The following GPHN variants were observed in gnomAD, a reference collection of about 807,000 sequenced individuals.
The protein encoded by GPHN is gephyrin.
In GPHN, 17 loss-of-function variants were observed where a neutral mutation model predicts 95.5. The ratio of observed to expected loss-of-function variants is 0.18; its 90% CI spans 0.12 to 0.27. GPHN has a LOEUF of 0.27. Ranked by LOEUF, GPHN falls within the 10% of genes least tolerant of loss-of-function variation. The pLI is 1.00. For missense variants in GPHN, 660 were observed against 978.1 expected (o/e 0.67, Z 4.34); for synonymous variants, 320 against 322.5 (o/e 0.99, Z 0.08).
At chr14:67,308,151 T>C in the GPHN span, among the ~76,000 whole-genome samples, 23,367 of 151,276 alleles carry the variant, frequency 0.15, 3,398 homozygotes, top group East Asian at 0.42. Flanking sequence ...ACCTGGGTGA[T>C]GAAATAATCT....
intron 16 of GPHN, among the ~76,000 whole-genome samples, chr14:67,115,396 A>G (rs569876876): frequency 1.8e-3 from 281 of 152,348 alleles, no homozygotes; most frequent in African/African-American, 6.3e-3. Context: ...ACCCAGTCAC[A>G]GTACAAACTT....
intron 3 of GPHN, among the ~76,000 whole-genome samples, chr14:66,782,300 G>C (rs2059632561): frequency 6.6e-6 from 1 of 152,200 alleles, no homozygotes; most frequent in South Asian, 2.1e-4. Context: ...GCACTGTATG[G>C]TTTTGATTAT....
At chr14:67,320,941 A>T in the GPHN span, 1 of 815,136 alleles carries the variant, frequency 1.2e-6, no homozygotes, top group South Asian at 1.7e-5. Flanking sequence ...GCATTTTCTC[A>T]GTTTATTATT....
At chr14:66,640,266 C>CA in intron 1 of GPHN, among the ~76,000 whole-genome samples, 1 of 151,986 alleles carries the variant, frequency 6.6e-6, no homozygotes, top group East Asian at 1.9e-4. Context: ...ACTAAAAATA[C>CA]AAAAAATTGG....
At chr14:66,585,267 A>G (rs1344329605) in intron 1 of GPHN, among the ~76,000 whole-genome samples, 1 of 151,294 alleles carries the variant, frequency 6.6e-6, no homozygotes. Flanking sequence ...CGTCTATTTG[A>G]TTCTTCTCTC....
the GPHN span, among the ~76,000 whole-genome samples, chr14:67,732,989 G>A: frequency 1.3e-5 from 2 of 152,146 alleles, no homozygotes; most frequent in Non-Finnish European, 2.9e-5. Context: ...GGGGAGCGGG[G>A]AGGGATAGCA....
At position 67,122,388 on chromosome 14, in the gene GPHN, G is replaced by A; in HGVS notation, c.1748+11G>A. 2 of 1,611,498 alleles carry A rather than the reference G, an allele frequency of 1.2e-6. No individual in the cohort carries two copies. Among genetic ancestry groups the A allele is most frequent in the South Asian group, 1.1e-5 (1 of 90,988 alleles). ...TATTGTAGGAGACAAGTAAGTATTT[G>A]ATGTCATTCTGAAAAGTTTGTATTG... On this transcript the variant is annotated intron_variant, in intron 17 of 22. Transcript: ENST00000478722.
chr14:66,902,236 A>ATTGAAT (rs1426390215), intron 5 of GPHN, among the ~76,000 whole-genome samples: 1 of 152,014 alleles, frequency 6.6e-6, no homozygotes, highest in Non-Finnish European at 1.5e-5. Flanking sequence ...CTGTAACTAT[A>ATTGAAT]TTGAATTTGT....
chr14:67,719,825 A>G, the GPHN span, among the ~76,000 whole-genome samples: 3 of 152,072 alleles, frequency 2.0e-5, no homozygotes, highest in African/African-American at 7.2e-5. Context: ...TCTGTTTCTT[A>G]ATTATTTATT....
the GPHN span, chr14:67,582,050 C>T: frequency 6.2e-7 from 1 of 1,601,820 alleles, no homozygotes. This position sits in a 1 kb window ranked among gnomAD's most constrained non-coding sequence, Gnocchi z 5.0. Flanking sequence ...GTCCTGGTTT[C>T]TTATTCTCTT....
At chr14:66,781,819 G>A (rs553622401) in intron 3 of GPHN, among the ~76,000 whole-genome samples, 2 of 152,120 alleles carry the variant, frequency 1.3e-5, no homozygotes, top group South Asian at 2.1e-4. Flanking sequence ...ATTATGAAAA[G>A]TGATGCTATA....
intron 10 of GPHN, among the ~76,000 whole-genome samples, chr14:67,024,581 A>G (rs1362229527): frequency 6.6e-6 from 1 of 152,242 alleles, no homozygotes; most frequent in African/African-American, 2.4e-5. Context: ...GTGAAAGGAT[A>G]CAGATTAACA....
At chr14:67,401,815 C>T in the GPHN span, among the ~76,000 whole-genome samples, 1 of 152,028 alleles carries the variant, frequency 6.6e-6, no homozygotes, top group Non-Finnish European at 1.5e-5. Flanking sequence ...ATGCAACCAA[C>T]AGATATCGGG....
intron 9 of GPHN, among the ~76,000 whole-genome samples, chr14:67,004,745 T>A (rs1215475761): frequency 6.6e-6 from 1 of 151,830 alleles, no homozygotes; most frequent in Non-Finnish European, 1.5e-5. Flanking sequence ...TTTTGGAACC[T>A]TATTACATAA....
At chr14:67,367,260 C>G in the GPHN span, among the ~76,000 whole-genome samples, 1 of 152,170 alleles carries the variant, frequency 6.6e-6, no homozygotes, top group African/African-American at 2.4e-5. Flanking sequence ...GGGATGGAGT[C>G]TCACTCTGTC....
intron 1 of GPHN, among the ~76,000 whole-genome samples, chr14:66,530,953 ATTTT>A (rs569763873): frequency 5.0e-5 from 6 of 121,172 alleles, no homozygotes; most frequent in African/African-American, 6.5e-5. Context: ...TGTTTGTTAG[ATTTT>A]TTTTTTTTTT....
intron 18 of GPHN, among the ~76,000 whole-genome samples, chr14:67,154,887 T>C (rs1454757053): frequency 1.3e-5 from 2 of 150,916 alleles, no homozygotes; most frequent in South Asian, 4.2e-4. Flanking sequence ...CTGAAGAAAA[T>C]AACCAAGACA....
intron 1 of GPHN, among the ~76,000 whole-genome samples, chr14:66,611,330 T>C (rs77950018): frequency 6.6e-6 from 1 of 152,222 alleles, no homozygotes; most frequent in Admixed American, 6.5e-5. Context: ...GTAGTGGTGG[T>C]AGGGGCTGGA....
chr14:67,427,478 C>T, the GPHN span, among the ~76,000 whole-genome samples: 1 of 152,164 alleles, frequency 6.6e-6, no homozygotes. Flanking sequence ...TTGTCAGGGG[C>T]TTCCGTCGTT....
Sources: allele counts gnomAD v4.1 joint callset (sites outside exome capture counted in the v4.1 genomes callset), GRCh38; gene constraint gnomAD v4.1.1; non-coding constraint Gnocchi (gnomAD v3.1); transcripts MANE v1.5; gene names NCBI Gene and HGNC (gene_info 2026-07-23, HGNC 2026-07-21).